NRXN3: variants seen among roughly 807,000 people sequenced by gnomAD.
NRXN3 encodes the protein neurexin 3, also known as neurexin III.
NRXN3 carries 32 observed loss-of-function variants against 137.6 expected under a neutral mutation model. The observed-to-expected ratio is 0.23, with a 90% CI of 0.18 to 0.31. The LOEUF (loss-of-function observed/expected upper bound fraction) is 0.31. NRXN3 is among the 10% of genes least tolerant of loss of function. The probability of loss-of-function intolerance (pLI) is 1.00; values close to 1 mark genes in which losing one functional copy is unlikely to be tolerated. For synonymous variants in NRXN3, 798 were observed against 784.5 expected, an observed-to-expected ratio of 1.02 and a Z score of -0.29; for missense variants, 1,574 against 2,062.5, an observed-to-expected ratio of 0.76 and a Z score of 4.59.
At position 78,731,627 on chromosome 14, in the gene NRXN3, G is replaced by C. The variant is rs141458229; in HGVS notation, c.2044+16488G>C. Among the ~76,000 whole-genome samples the C allele has an allele frequency of 0.017, 2,391 of 143,478 alleles. 96 individuals carry two copies. The East Asian group carries it at 0.21, about 13-fold the overall frequency. 94.1% of individuals were successfully genotyped at this position (143,478 alleles called of 152,430 possible). A position where few individuals can be genotyped will look rare whatever the true frequency, so the allele number is the denominator to read the frequency against. ...TATATATGTGTGTGTGTGTGTGTGT[G>C]TCTCTGTGTGTGTGTGTGTGTATTC... On this transcript the variant is annotated intron_variant, in intron 8 of 20. Transcript: ENST00000335750.
intron 16 of NRXN3, among the ~76,000 whole-genome samples, chr14:79,606,483 A>T (rs563322862): frequency 2.7e-4 from 41 of 152,216 alleles, no homozygotes; most frequent in Admixed American, 5.9e-4. Context: ...TTATGTGAGC[A>T]TGCAAAAGTG....
At chr14:79,243,969 C>T (rs560019284) in intron 15 of NRXN3, among the ~76,000 whole-genome samples, 8 of 152,254 alleles carry the variant, frequency 5.3e-5, no homozygotes, top group Admixed American at 2.6e-4. Flanking sequence ...TCATTAACTA[C>T]GGTGTTTCGC....
At chr14:79,093,895 ATTTTTTTTTT>A (rs2049710947) in intron 15 of NRXN3, among the ~76,000 whole-genome samples, 1 of 151,410 alleles carries the variant, frequency 6.6e-6, no homozygotes, top group Non-Finnish European at 1.5e-5. Context: ...ATTCTGATTG[ATTTTTTTTTT>A]CTTTTTTCTT....
At chr14:79,266,867 T>C (rs765428681) in intron 15 of NRXN3, among the ~76,000 whole-genome samples, 2 of 152,214 alleles carry the variant, frequency 1.3e-5, no homozygotes, top group African/African-American at 2.4e-5. Flanking sequence ...ACTAATTTAA[T>C]GTAACCCCAG....
intron 16 of NRXN3, among the ~76,000 whole-genome samples, chr14:79,516,859 T>C (rs1357981994): frequency 6.6e-6 from 1 of 152,200 alleles, no homozygotes; most frequent in Non-Finnish European, 1.5e-5. Flanking sequence ...TACAGCTCTG[T>C]CATATTTCAT....
chr14:78,566,357 A>G (rs1329002966), intron 4 of NRXN3, among the ~76,000 whole-genome samples: 3 of 151,500 alleles, frequency 2.0e-5, no homozygotes, highest in South Asian at 2.1e-4. Flanking sequence ...ATGGAAGCAG[A>G]ACTACCCCAG....
chr14:79,222,179 A>G (rs1007727663), intron 15 of NRXN3, among the ~76,000 whole-genome samples: 2 of 152,140 alleles, frequency 1.3e-5, no homozygotes, highest in African/African-American at 4.8e-5. Flanking sequence ...GTTTGAAGTC[A>G]GGTAGTGTGA....
At chr14:78,670,069 T>C (rs1319865608) in intron 6 of NRXN3, among the ~76,000 whole-genome samples, 1 of 151,956 alleles carries the variant, frequency 6.6e-6, no homozygotes, top group Non-Finnish European at 1.5e-5. Flanking sequence ...GTCCATGTGT[T>C]CTCATTGTTC....
chr14:79,726,434 A>G (rs952149551), intron 19 of NRXN3, among the ~76,000 whole-genome samples: 3 of 151,966 alleles, frequency 2.0e-5, no homozygotes, highest in African/African-American at 7.2e-5. Flanking sequence ...TTTTTTTAAA[A>G]TCCTCCATTT....
chr14:78,427,998 A>T (rs762342771), intron 4 of NRXN3, among the ~76,000 whole-genome samples: 36 of 152,168 alleles, frequency 2.4e-4, no homozygotes, highest in Non-Finnish European at 5.3e-4. Context: ...TTCAAACATC[A>T]CATTCCTGCC....
chr14:78,935,560 A>T (rs555464920), intron 10 of NRXN3, among the ~76,000 whole-genome samples: 1 of 152,188 alleles, frequency 6.6e-6, no homozygotes, highest in African/African-American at 2.4e-5. Flanking sequence ...CTATGTACAC[A>T]GTTGTTACTG....
intron 10 of NRXN3, among the ~76,000 whole-genome samples, chr14:78,825,018 G>T (rs1188718817): frequency 1.3e-5 from 2 of 151,840 alleles, no homozygotes; most frequent in East Asian, 1.9e-4. Context: ...GTTGTTCAAA[G>T]AGACATTTAA....
At chr14:78,183,631 G>A (rs968651020) in intron 1 of NRXN3, among the ~76,000 whole-genome samples, 27 of 152,290 alleles carry the variant, frequency 1.8e-4, no homozygotes, top group African/African-American at 6.3e-4. Flanking sequence ...GTCTGCACAT[G>A]GGGACAAGTG....
chr14:78,971,639 G>A (rs755406026), intron 14 of NRXN3, among the ~76,000 whole-genome samples: 2 of 152,056 alleles, frequency 1.3e-5, no homozygotes, highest in Admixed American at 1.3e-4. Context: ...TATTGATTGA[G>A]TGAGTGAGTG....
At chr14:78,292,452 C>A (rs893101070) in intron 3 of NRXN3, among the ~76,000 whole-genome samples, 13 of 152,178 alleles carry the variant, frequency 8.5e-5, no homozygotes, top group African/African-American at 3.1e-4. Flanking sequence ...TAGGCAGGTA[C>A]AAGAAGGGTG....
chr14:78,693,604 G>A (rs1216878084), intron 6 of NRXN3, among the ~76,000 whole-genome samples: 1 of 147,866 alleles, frequency 6.8e-6, no homozygotes, highest in Non-Finnish European at 1.5e-5. Flanking sequence ...AGTACTTTTT[G>A]TACTTTTGGT....
chr14:78,348,141 G>A (rs990091593), intron 4 of NRXN3, among the ~76,000 whole-genome samples: 1 of 152,146 alleles, frequency 6.6e-6, no homozygotes, highest in Non-Finnish European at 1.5e-5. Flanking sequence ...ACCACACCAG[G>A]TCCTCTGTGT....
chr14:78,645,282 A>G lies in NRXN3; in HGVS notation c.920A>G (p.Asn307Ser). The G allele has an allele frequency of 6.3e-7, 1 of 1,598,942 alleles. No individual in the cohort carries two copies. Among genetic ancestry groups the G allele is most frequent in the Non-Finnish European group, 8.5e-7 (1 of 1,179,808 alleles). The change falls in exon 5 of 21, where the codon AAC (asparagine) becomes AGC (serine). Residue 307 changes from asparagine (N) to serine (S), a missense_variant. Around this residue, in one of 5 missense-constraint regions of NRXN3, gnomAD observed 400 missense variants for 527.3 expected, o/e 0.76. Coordinates refer to ENST00000335750, the MANE Select transcript of NRXN3 (RefSeq NM_001330195.2). ...ACGGGCAAGTCGGCTGACTATGTCAACCTGGCTCTGAAGGATGGTGCGGTC... is the reference window on the plus strand; with the variant it reads ...ACGGGCAAGTCGGCTGACTATGTCAGCCTGGCTCTGAAGGATGGTGCGGTC... ...LHTGKSADYV[N>S]LALKDGAVSL...
chr14:78,636,428 A>G (rs1225004037), intron 4 of NRXN3, among the ~76,000 whole-genome samples: 2 of 152,094 alleles, frequency 1.3e-5, no homozygotes. Context: ...AATAGTGACT[A>G]TCTAATTACG....
Sources: allele counts gnomAD v4.1 joint callset (sites outside exome capture counted in the v4.1 genomes callset), GRCh38; gene constraint gnomAD v4.1.1; regional missense constraint gnomAD v4.1.1; transcripts MANE v1.5; gene names NCBI Gene and HGNC (gene_info 2026-07-23, HGNC 2026-07-21).